ZNF701: variants seen among roughly 807,000 people sequenced by gnomAD.
ZNF701 encodes the protein zinc finger protein 701.
Under a neutral mutation model 7.1 loss-of-function variants are expected in ZNF701, and 6 were observed. That is an observed-to-expected ratio of 0.84 (90% CI 0.46 to 1.66). The LOEUF is 1.66. Ranked by LOEUF, ZNF701 falls within the 40% of genes most tolerant of loss-of-function variation. The pLI is 0.01. For synonymous variants in ZNF701, 166 were observed against 188.2 expected, an observed-to-expected ratio of 0.88 and a Z score of 0.97; for missense variants, 541 against 559.2, an observed-to-expected ratio of 0.97 and a Z score of 0.33.
the ZNF701 span, chr19:52,597,262 G>A: frequency 1.4e-4 from 75 of 547,596 alleles, 1 homozygote; most frequent in South Asian, 1.0e-3. Flanking sequence ...CCTCACAAGT[G>A]TGATGATTGT....
intron 3 of ZNF701, 40 bp downstream of exon 3, chr19:52,576,061 G>T: frequency 6.2e-7 from 1 of 1,604,506 alleles, no homozygotes; most frequent in Non-Finnish European, 8.5e-7. Flanking sequence ...ATGTGCCCTT[G>T]TGGATCTTTG....
chr19:52,576,726 A>G (rs1418111044), intron 3 of ZNF701, among the ~76,000 whole-genome samples: 7 of 152,026 alleles, frequency 4.6e-5, no homozygotes, highest in Non-Finnish European at 8.8e-5. Flanking sequence ...ATTTTCCTAG[A>G]TCCACCTGTA....
downstream of ZNF701, among the ~76,000 whole-genome samples, chr19:52,590,189 C>G (rs936459071): frequency 6.6e-6 from 1 of 151,778 alleles, no homozygotes; most frequent in Non-Finnish European, 1.5e-5. Flanking sequence ...CAACCTCTGC[C>G]TCCCATGCTC....
chr19:52,581,128 A>C (rs961290541), intron 3 of ZNF701, among the ~76,000 whole-genome samples: 4 of 152,204 alleles, frequency 2.6e-5, no homozygotes, highest in African/African-American at 9.7e-5. Context: ...TCTCAAAAAA[A>C]TAAAAATACA....
At chr19:52,579,520 CAAAA>C (rs34682718) in intron 3 of ZNF701, among the ~76,000 whole-genome samples, 10,627 of 60,134 alleles carry the variant, frequency 0.18, 613 homozygotes, top group Middle Eastern at 0.3. Context: ...AACTCTGTCT[CAAAA>C]AAAAAAAAAA....
At chr19:52,570,783 C>T (rs1434389665) in intron 1 of ZNF701, 2 of 152,348 alleles carry the variant, frequency 1.3e-5, no homozygotes, top group East Asian at 3.9e-4. Context: ...CACCCCACCT[C>T]CCGCCTCATG....
In ZNF701 at chr19:52,572,469, C is replaced by A. The variant is rs141514799; in HGVS notation, c.-71-1608C>A. ...TGGGAATCAGTGGCATCAGAACTTG[C>A]AAAGGAAGTTTCTTTATCCCAGGTA... On this transcript the variant is annotated intron_variant, in intron 1 of 3. Transcript: ENST00000391785. 1.1e-4 allele frequency: 126 copies of A among 1,196,678 alleles called. 1 individual carries two copies. The African/African-American group carries it at 1.9e-3, about 18-fold the overall frequency. 74.1% of individuals were successfully genotyped at this position (1,196,678 alleles called of 1,614,324 possible).
intron 3 of ZNF701, among the ~76,000 whole-genome samples, chr19:52,580,703 T>G (rs554486090): frequency 6.6e-6 from 1 of 152,352 alleles, no homozygotes; most frequent in Admixed American, 6.5e-5. Flanking sequence ...ATGTACTTAT[T>G]ATTTTCTGGC....
At chr19:52,590,513 A>G (rs958202103), downstream of ZNF701, among the ~76,000 whole-genome samples, 1 of 152,106 alleles carries the variant, frequency 6.6e-6, no homozygotes, top group African/African-American at 2.4e-5. Flanking sequence ...TAATTTCCAT[A>G]CGTTGGTTGA....
intron 3 of ZNF701, among the ~76,000 whole-genome samples, chr19:52,580,216 T>C (rs1388999121): frequency 6.6e-6 from 1 of 151,510 alleles, no homozygotes; most frequent in Non-Finnish European, 1.5e-5. Flanking sequence ...GTGCTGGGAT[T>C]ACAGGCGTGA....
In ZNF701 at chr19:52,582,289, A is replaced by G. The variant is rs746238259; in HGVS notation, c.230A>G (p.His77Arg). 6.2e-6 allele frequency: 10 copies of G among 1,613,850 alleles called. No individual in the cohort carries two copies. In the East Asian group the frequency reaches 1.1e-4, roughly 18 times the overall value. Residue 77 changes from histidine (H) to arginine (R), a missense_variant, in exon 4 of 4, where the codon CAT (histidine) becomes CGT (arginine). By Grantham distance (29) the His-to-Arg change is conservative. Transcript: ENST00000391785. ...GTCCACACAGGGACATTGCAAATAC[A>G]TGCAAGTCATCACATTGGAGATACT... ...EVVHTGTLQIHASHHIGDTCF... is the reference protein window; with the variant it reads ...EVVHTGTLQIRASHHIGDTCF...
intron 3 of ZNF701, among the ~76,000 whole-genome samples, chr19:52,576,328 G>A (rs1423733585): frequency 6.6e-6 from 1 of 151,952 alleles, no homozygotes; most frequent in African/African-American, 2.4e-5. Flanking sequence ...ATCACTTCAG[G>A]TCAGGAGTTC....
At chr19:52,574,325 TC>T (rs11290020) in intron 2 of ZNF701, among the ~76,000 whole-genome samples, 163 bp downstream of exon 2, 14,985 of 152,094 alleles carry the variant, frequency 0.099, 1,055 homozygotes, top group African/African-American at 0.2. Context: ...AGATTCCATC[TC>T]TTGTGACTGA....
chr19:52,595,278 T>C, the ZNF701 span, among the ~76,000 whole-genome samples: 1 of 45,434 alleles, frequency 2.2e-5, no homozygotes, highest in African/African-American at 1.0e-4. Flanking sequence ...CCATCTGTAC[T>C]TTTTTTTTTG....
intron 3 of ZNF701, among the ~76,000 whole-genome samples, chr19:52,578,051 G>A (rs949008823): frequency 7.2e-5 from 11 of 151,904 alleles, no homozygotes; most frequent in Middle Eastern, 3.4e-3. Flanking sequence ...TCAGGAGATC[G>A]AGACCATCCT....
At chr19:52,591,966 C>T, downstream of ZNF701, 1 of 476,408 alleles carries the variant, frequency 2.1e-6, no homozygotes. Context: ...AAAAACTGTT[C>T]AAAAATACCT....
chr19:52,583,715 T>C lies in ZNF701; in HGVS notation c.*258T>C. 1 of 799,482 alleles carries C rather than the reference T, an allele frequency of 1.3e-6. No homozygotes were observed. Among genetic ancestry groups the C allele is most frequent in the South Asian group, 1.5e-5 (1 of 68,234 alleles). The allele number at this position is 799,482 out of a possible 1,614,324, so 49.5% of individuals were successfully genotyped here. ...CTGGAAAGGAACTGTACAAGTGTAA[T>C]GAGTGTGGCAGAGCCTTTGGTGGTC... On this transcript the variant is annotated 3_prime_UTR_variant, in exon 4 of 4. Transcript: ENST00000391785.
Position 52,583,862 on chromosome 19 carries a change from A to T in ZNF701, c.*405A>T, listed in dbSNP as rs182174331. The T allele has an allele frequency of 7.3e-5, 36 of 492,706 alleles. No individual in the cohort carries two copies. In the East Asian group the frequency reaches 7.9e-4, roughly 11 times the overall value. 30.5% of individuals were successfully genotyped at this position (492,706 alleles called of 1,614,324 possible). Reference sequence around the variant, plus strand: ...CAAAACATTGGAGAATCCATAATGAAGGAGGTCTTACAAGTGTAATAAATG... The same window carrying T: ...CAAAACATTGGAGAATCCATAATGATGGAGGTCTTACAAGTGTAATAAATG... On this transcript the variant is annotated 3_prime_UTR_variant, in exon 4 of 4. Transcript: ENST00000391785.
downstream of ZNF701, chr19:52,592,012 A>T (rs2060038899): frequency 8.1e-6 from 5 of 618,030 alleles, no homozygotes; most frequent in East Asian, 1.4e-4. Context: ...CTTGGATCAA[A>T]TCGATACTTA....
Sources: gnomAD v4.1 joint callset for allele counts (sites outside exome capture counted in the v4.1 genomes callset) on GRCh38, gnomAD v4.1.1 for gene constraint, MANE v1.5 for transcripts, NCBI Gene and HGNC (gene_info 2026-07-23, HGNC 2026-07-21) for gene names.